Variants in GNG7 observed in about 807,000 individuals in gnomAD.
The protein encoded by GNG7 is G protein subunit gamma 7.
GNG7 carries 1 observed loss-of-function variant against 4.0 expected under a neutral mutation model. That is an observed-to-expected ratio of 0.25 (90% CI 0.09 to 1.18). The LOEUF is 1.18. GNG7 is among the 50% of genes most tolerant of loss of function. GNG7 has a pLI of 0.50. For missense variants in GNG7, 86 were observed against 91.9 expected (o/e 0.94, Z 0.26); for synonymous variants, 34 against 36.9 (o/e 0.92, Z 0.29).
chr19:2,577,281 G>A (rs1307756551), intron 2 of GNG7, among the ~76,000 whole-genome samples: 3 of 152,182 alleles, frequency 2.0e-5, no homozygotes, highest in African/African-American at 7.2e-5. Flanking sequence ...TGTTGGTTGG[G>A]GCTGCGTCTC....
chr19:2,680,209 G>C (rs1169514660), intron 1 of GNG7, among the ~76,000 whole-genome samples: 3 of 143,042 alleles, frequency 2.1e-5, no homozygotes, highest in Non-Finnish European at 4.5e-5. Flanking sequence ...GTGCAGTTGT[G>C]CGATCTCGGC....
At position 2,621,818 on chromosome 19, in the gene GNG7, G is replaced by T. The variant is rs961184533; in HGVS notation, c.-78+24406C>A. ...CAAGCCAGGTTTGCCAGAGCCCCCA[G>T]AAGCCAGAGGACGCGGAAGGATCCT... On this transcript the variant is annotated intron_variant, in intron 2 of 4. Transcript: ENST00000382159. Among the ~76,000 whole-genome samples the T allele has an allele frequency of 8.5e-5, 13 of 152,254 alleles. No individual in the cohort carries two copies. The East Asian group carries it at 2.5e-3, about 29-fold the overall frequency.
chr19:2,580,476 A>G (rs1489993737), intron 2 of GNG7, among the ~76,000 whole-genome samples: 2 of 151,162 alleles, frequency 1.3e-5, no homozygotes, highest in African/African-American at 4.9e-5. Context: ...TTTTTAGTAG[A>G]GACGAGGTTT....
At chr19:2,680,571 A>ATTTTTTT (rs967188330) in intron 1 of GNG7, among the ~76,000 whole-genome samples, 1 of 126,016 alleles carries the variant, frequency 7.9e-6, no homozygotes, top group African/African-American at 3.0e-5. Context: ...AAAATTTACA[A>ATTTTTTT]TTTTTTTTTT....
chr19:2,672,829 C>T (rs1428144765), intron 1 of GNG7, among the ~76,000 whole-genome samples: 1 of 152,194 alleles, frequency 6.6e-6, no homozygotes, highest in Non-Finnish European at 1.5e-5. Flanking sequence ...CCAATGTCAA[C>T]ACCACCAGTG....
intron 3 of GNG7, among the ~76,000 whole-genome samples, chr19:2,531,538 G>A (rs968543171): frequency 4.6e-5 from 7 of 151,940 alleles, no homozygotes; most frequent in African/African-American, 9.7e-5. Flanking sequence ...AATACAGGCC[G>A]GGCGCGGTGG....
At chr19:2,686,137 C>A (rs1390322764) in intron 1 of GNG7, among the ~76,000 whole-genome samples, 1 of 151,712 alleles carries the variant, frequency 6.6e-6, no homozygotes, top group East Asian at 2.0e-4. Flanking sequence ...AGTTTCCCAG[C>A]CGTGTGTGGT....
intron 2 of GNG7, among the ~76,000 whole-genome samples, chr19:2,603,623 G>T (rs192167631): frequency 3.9e-5 from 6 of 152,330 alleles, no homozygotes; most frequent in African/African-American, 1.4e-4. Context: ...CCCTTGCGGG[G>T]CGGCGGCTAA....
chr19:2,521,631 T>TTTTTTTTG (rs1978309463), intron 3 of GNG7, among the ~76,000 whole-genome samples: 1 of 149,116 alleles, frequency 6.7e-6, no homozygotes, highest in African/African-American at 2.5e-5. Flanking sequence ...TTTTTTTTTT[T>TTTTTTTTG]GAGACAGAGT....
intron 3 of GNG7, among the ~76,000 whole-genome samples, chr19:2,552,845 G>C: frequency 1.0e-5 from 1 of 95,304 alleles, no homozygotes; most frequent in Non-Finnish European, 2.3e-5. Flanking sequence ...CCATCCTCCC[G>C]GCTCCACCCC....
intron 4 of GNG7, among the ~76,000 whole-genome samples, chr19:2,518,567 C>T (rs1473740978): frequency 6.6e-6 from 1 of 152,110 alleles, no homozygotes; most frequent in African/African-American, 2.4e-5. Flanking sequence ...ACCGGCCGAT[C>T]AGAACCACCT....
chr19:2,561,390 G>A (rs1199652085), intron 2 of GNG7, among the ~76,000 whole-genome samples: 6 of 152,084 alleles, frequency 3.9e-5, no homozygotes, highest in Non-Finnish European at 8.8e-5. Context: ...CAATATCCAC[G>A]GTGCCCTGGG....
intron 3 of GNG7, among the ~76,000 whole-genome samples, chr19:2,541,562 G>A (rs896663306): frequency 4.6e-5 from 7 of 151,866 alleles, no homozygotes; most frequent in Non-Finnish European, 1.0e-4. Context: ...GTGAAACCCC[G>A]TCTCTACTAA....
chr19:2,582,017 T>C (rs937605923), intron 2 of GNG7, among the ~76,000 whole-genome samples: 1 of 152,090 alleles, frequency 6.6e-6, no homozygotes, highest in African/African-American at 2.4e-5. Flanking sequence ...AAAAGCAAAA[T>C]GGAAATACTT....
intron 2 of GNG7, among the ~76,000 whole-genome samples, chr19:2,564,269 A>G (rs536454072): frequency 6.6e-6 from 1 of 152,192 alleles, no homozygotes; most frequent in African/African-American, 2.4e-5. Context: ...AAATCCAATG[A>G]CTGGTGTCCT....
At chr19:2,680,067 T>TCTTG (rs1464315410) in intron 1 of GNG7, among the ~76,000 whole-genome samples, 1 of 151,658 alleles carries the variant, frequency 6.6e-6, no homozygotes, top group Non-Finnish European at 1.5e-5. Flanking sequence ...AACCCCAGCA[T>TCTTG]CTTGGGAGAC....
chr19:2,580,783 G>A (rs1362531267), intron 2 of GNG7, among the ~76,000 whole-genome samples: 1 of 145,734 alleles, frequency 6.9e-6, no homozygotes, highest in Non-Finnish European at 1.5e-5. Flanking sequence ...TTTTTTTTTT[G>A]AGACAGAGTC....
Position 2,638,412 on chromosome 19 carries a change from GGGAGGGGAAGGGGAA to G in GNG7, c.-78+7797_-78+7811del, listed in dbSNP as rs1228180714. Among the ~76,000 whole-genome samples, 4 of 106,500 alleles carry G rather than the reference GGGAGGGGAAGGGGAA, an allele frequency of 3.8e-5. No individual in the cohort carries two copies. In the East Asian group the frequency reaches 1.2e-3, roughly 32 times the overall value. The allele number at this position is 106,500 out of a possible 152,430, so 69.9% of individuals were successfully genotyped here. ...AGAGAAGGGGATGGGAAGGGAAAGG[GGGAGGGGAAGGGGAA>G]GGAGGGGAAGGGGAGGGGGAGGGGA... is the stretch of plus-strand genomic sequence containing the variant. On this transcript the variant is annotated intron_variant, in intron 2 of 4. Coordinates refer to ENST00000382159, the MANE Select transcript of GNG7 (RefSeq NM_052847.3).
chr19:2,655,718 A>G (rs1982949169), intron 1 of GNG7, among the ~76,000 whole-genome samples: 1 of 151,336 alleles, frequency 6.6e-6, no homozygotes, highest in East Asian at 1.9e-4. Context: ...GGGCGCCTGT[A>G]GTCCCAGCTA....
Sources: allele counts gnomAD v4.1 joint callset (sites outside exome capture counted in the v4.1 genomes callset), GRCh38; gene constraint gnomAD v4.1.1; transcripts MANE v1.5; gene names NCBI Gene and HGNC (gene_info 2026-07-23, HGNC 2026-07-21).